CEP83: variants seen among roughly 807,000 people sequenced by gnomAD.
CEP83 encodes centrosomal protein 83, also known as centrosomal protein of 83 kDa.
Under a neutral mutation model 101.9 loss-of-function variants are expected in CEP83, and 70 were observed. The ratio of observed to expected loss-of-function variants is 0.69; its 90% confidence interval spans 0.57 to 0.84. CEP83 has a LOEUF of 0.84. Ranked by LOEUF, CEP83 falls within the 40% of genes least tolerant of loss-of-function variation. CEP83 has a pLI of 0.00. For missense variants in CEP83, 715 were observed against 787.2 expected, an observed-to-expected ratio of 0.91 and a Z score of 1.10; for synonymous variants, 264 against 267.9, an observed-to-expected ratio of 0.99 and a Z score of 0.14.
intron 4 of CEP83, among the ~76,000 whole-genome samples, chr12:94,408,462 G>A (rs190286303): frequency 2.0e-4 from 30 of 152,196 alleles, no homozygotes; most frequent in African/African-American, 6.7e-4. Flanking sequence ...CATTGGTAAA[G>A]TAATTTCCGT....
chr12:94,349,051 C>T (rs947750688), intron 11 of CEP83, among the ~76,000 whole-genome samples: 2 of 151,914 alleles, frequency 1.3e-5, no homozygotes, highest in Non-Finnish European at 2.9e-5. Flanking sequence ...TTTGGGAGGC[C>T]GAGGTGGGTG....
chr12:94,445,810 G>T (rs2066756562), intron 1 of CEP83, among the ~76,000 whole-genome samples: 1 of 152,170 alleles, frequency 6.6e-6, no homozygotes, highest in South Asian at 2.1e-4. Context: ...GTCCCAGTAG[G>T]AATGAGTATG....
At chr12:94,412,790 G>A (rs558544026) in intron 2 of CEP83, among the ~76,000 whole-genome samples, 199 bp from the exon 3 acceptor site, 16 of 145,880 alleles carry the variant, frequency 1.1e-4, no homozygotes, top group Middle Eastern at 3.6e-3. Flanking sequence ...CCAAGTTCAA[G>A]CAATTCTCCT....
At chr12:94,397,660 T>G (rs1186488155) in intron 6 of CEP83, among the ~76,000 whole-genome samples, 3 of 152,132 alleles carry the variant, frequency 2.0e-5, no homozygotes, top group Non-Finnish European at 4.4e-5. Flanking sequence ...AACTAGAGAA[T>G]ACAAATAATC....
chr12:94,322,379 G>A (rs1393206543), intron 14 of CEP83, among the ~76,000 whole-genome samples: 3 of 151,976 alleles, frequency 2.0e-5, no homozygotes, highest in African/African-American at 7.3e-5. Flanking sequence ...TGGTCAAAAG[G>A]TCCTGTCCAC....
the CEP83 span, among the ~76,000 whole-genome samples, chr12:94,273,652 T>C: frequency 1.3e-5 from 2 of 152,178 alleles, no homozygotes; most frequent in African/African-American, 4.8e-5. Flanking sequence ...ACAGTTCTTC[T>C]ACTAGTCTGC....
chr12:94,271,038 T>C, the CEP83 span, among the ~76,000 whole-genome samples: 5 of 152,240 alleles, frequency 3.3e-5, no homozygotes, highest in Admixed American at 3.3e-4. Context: ...ACTGGCCTCA[T>C]GCTGCTTCTA....
At chr12:94,445,272 T>TACAC (rs3069395) in intron 1 of CEP83, among the ~76,000 whole-genome samples, 43,497 of 150,168 alleles carry the variant, frequency 0.29, 6,529 homozygotes, top group Non-Finnish European at 0.34. Context: ...GCCTTTTCCA[T>TACAC]ACACACACAC....
intron 6 of CEP83, among the ~76,000 whole-genome samples, chr12:94,382,281 A>G (rs979744667): frequency 1.3e-5 from 2 of 151,616 alleles, no homozygotes; most frequent in Non-Finnish European, 1.5e-5. Flanking sequence ...GGTCAATTTT[A>G]TTGTCTTTTC....
chr12:94,429,655 A>C (rs1043213643), intron 2 of CEP83, among the ~76,000 whole-genome samples: 2 of 151,830 alleles, frequency 1.3e-5, no homozygotes, highest in African/African-American at 4.8e-5. Context: ...TGGAGCCACC[A>C]CTCATTTTCA....
At chr12:94,342,050 T>A (rs914587707) in intron 11 of CEP83, among the ~76,000 whole-genome samples, 1 of 152,190 alleles carries the variant, frequency 6.6e-6, no homozygotes, top group African/African-American at 2.4e-5. Flanking sequence ...TGTACCCATC[T>A]AAAAGCAAAA....
intron 7 of CEP83, among the ~76,000 whole-genome samples, chr12:94,377,257 T>G (rs2061600799): frequency 6.6e-6 from 1 of 152,170 alleles, no homozygotes; most frequent in African/African-American, 2.4e-5. Flanking sequence ...AAAAATCATT[T>G]GGCGACACAG....
intron 2 of CEP83, among the ~76,000 whole-genome samples, chr12:94,421,974 A>T (rs935866721): frequency 6.6e-6 from 1 of 152,232 alleles, no homozygotes. Flanking sequence ...TAAAGAAACC[A>T]ATATGCTTTG....
chr12:94,321,986 A>T (rs143702948), intron 14 of CEP83, among the ~76,000 whole-genome samples: 209 of 152,234 alleles, frequency 1.4e-3, no homozygotes, highest in African/African-American at 4.7e-3. Context: ...GAAGATATCA[A>T]CAAGGAAGTC....
chr12:94,422,855 G>C (rs2138015315), intron 2 of CEP83, among the ~76,000 whole-genome samples: 1 of 152,182 alleles, frequency 6.6e-6, no homozygotes, highest in Middle Eastern at 3.4e-3. Context: ...CCATTCTCCT[G>C]CTGATGCGCA....
At chr12:94,365,141 T>A (rs1218056234) in intron 11 of CEP83, among the ~76,000 whole-genome samples, 7 of 151,560 alleles carry the variant, frequency 4.6e-5, no homozygotes, top group African/African-American at 1.5e-4. Flanking sequence ...TAAGGTAATT[T>A]AAAAAAAATT....
intron 1 of CEP83, among the ~76,000 whole-genome samples, chr12:94,437,262 C>T (rs2066065440): frequency 6.6e-6 from 1 of 151,960 alleles, no homozygotes; most frequent in Non-Finnish European, 1.5e-5. Flanking sequence ...GGACAATCAC[C>T]TGAACCTGGC....
chr12:94,368,483 T>G (rs1349811043), intron 9 of CEP83: 1 of 258,184 alleles, frequency 3.9e-6, no homozygotes, highest in Non-Finnish European at 7.2e-6. Context: ...ACATTGAGAG[T>G]TGAGATCAAA....
At chr12:94,389,817 C>T (rs2062401416) in intron 6 of CEP83, among the ~76,000 whole-genome samples, 1 of 152,248 alleles carries the variant, frequency 6.6e-6, no homozygotes, top group Non-Finnish European at 1.5e-5. Context: ...GAGATTCTCT[C>T]CCATGCCTGG....
Sources: gnomAD v4.1 joint callset for allele counts (sites outside exome capture counted in the v4.1 genomes callset) on GRCh38, gnomAD v4.1.1 for gene constraint, MANE v1.5 for transcripts, NCBI Gene and HGNC (gene_info 2026-07-23, HGNC 2026-07-21) for gene names.